SH3BGRL2: variants seen among roughly 807,000 people sequenced by gnomAD.
SH3BGRL2 encodes SH3 domain-binding glutamic acid-rich-like protein 2.
Under a neutral mutation model 14.8 loss-of-function variants are expected in SH3BGRL2, and 21 were observed. That is an observed-to-expected ratio of 1.42 (90% CI 1.01 to 2.05). The LOEUF (loss-of-function observed/expected upper bound fraction) is 2.05, where lower values mean the gene tolerates loss of function less well. SH3BGRL2 is among the 30% of genes most tolerant of loss of function. SH3BGRL2 has a pLI of 0.00. For synonymous variants in SH3BGRL2, 50 were observed against 47.8 expected (o/e 1.05, Z -0.19); for missense variants, 147 against 130.8 (o/e 1.12, Z -0.61).
At chr6:79,579,887 T>A in the SH3BGRL2 span, among the ~76,000 whole-genome samples, 16 of 152,288 alleles carry the variant, frequency 1.1e-4, no homozygotes, top group South Asian at 3.3e-3. Flanking sequence ...ATCAGTTTGC[T>A]GTATTCAGGA....
chr6:79,594,479 G>T, the SH3BGRL2 span, among the ~76,000 whole-genome samples: 1 of 152,114 alleles, frequency 6.6e-6, no homozygotes, highest in Admixed American at 6.5e-5. Flanking sequence ...GTAAATTTCT[G>T]CCTCCCCTAC....
At chr6:79,554,908 A>C in the SH3BGRL2 span, among the ~76,000 whole-genome samples, 9 of 150,126 alleles carry the variant, frequency 6.0e-5, no homozygotes, top group South Asian at 1.9e-3. Flanking sequence ...ACTTGGCAAT[A>C]TTATTATATG....
chr6:79,631,527 C>A, intron 1 of SH3BGRL2, 21 bp downstream of exon 1: 3 of 1,445,864 alleles, frequency 2.1e-6, no homozygotes, highest in Non-Finnish European at 1.8e-6. Context: ...TGGGGGCGGG[C>A]AGTAGGTTGG....
chr6:79,561,670 T>C, the SH3BGRL2 span: 2 of 152,342 alleles, frequency 1.3e-5, no homozygotes, highest in African/African-American at 4.8e-5. Flanking sequence ...TGACCGCCAC[T>C]GCCTCTCCAC....
the SH3BGRL2 span, among the ~76,000 whole-genome samples, chr6:79,578,902 GA>G: frequency 6.6e-6 from 1 of 152,056 alleles, no homozygotes; most frequent in African/African-American, 2.4e-5. Context: ...TAAAAACCTT[GA>G]AAAAAGATTA....
intron 2 of SH3BGRL2, among the ~76,000 whole-genome samples, chr6:79,695,621 C>T (rs1401475360): frequency 1.3e-5 from 2 of 152,198 alleles, no homozygotes; most frequent in Non-Finnish European, 2.9e-5. Flanking sequence ...AGCTGTCAAA[C>T]TTGAACAACA....
At chr6:79,540,696 A>T in the SH3BGRL2 span, among the ~76,000 whole-genome samples, 1 of 152,318 alleles carries the variant, frequency 6.6e-6, no homozygotes, top group East Asian at 1.9e-4. Context: ...TACTTACAAC[A>T]TAATGCTGGT....
intron 1 of SH3BGRL2, among the ~76,000 whole-genome samples, chr6:79,671,380 C>T (rs777272617): frequency 6.6e-6 from 1 of 152,032 alleles, no homozygotes; most frequent in African/African-American, 2.4e-5. Context: ...ACCCGGGAGG[C>T]GGAGGTTGAG....
At chr6:79,644,377 G>T (rs914431713) in intron 1 of SH3BGRL2, among the ~76,000 whole-genome samples, 2 of 152,152 alleles carry the variant, frequency 1.3e-5, no homozygotes, top group African/African-American at 4.8e-5. Context: ...GAAAGATTCA[G>T]TCAACACACA....
At chr6:79,575,785 AT>A in the SH3BGRL2 span, among the ~76,000 whole-genome samples, 16,194 of 152,090 alleles carry the variant, frequency 0.11, 968 homozygotes, top group Non-Finnish European at 0.13. Context: ...ATTTTTAAAA[AT>A]ATTTTATTTT....
intron 1 of SH3BGRL2, among the ~76,000 whole-genome samples, chr6:79,641,483 C>T (rs144084124): frequency 6.6e-6 from 1 of 152,138 alleles, no homozygotes; most frequent in Non-Finnish European, 1.5e-5. Flanking sequence ...CATTAGAGAA[C>T]AGTGTTATGG....
At chr6:79,592,176 A>G in the SH3BGRL2 span, among the ~76,000 whole-genome samples, 3 of 152,250 alleles carry the variant, frequency 2.0e-5, no homozygotes, top group Non-Finnish European at 4.4e-5. Flanking sequence ...ATATGAAGGC[A>G]TATCTGGATT....
chr6:79,541,908 C>T, the SH3BGRL2 span, among the ~76,000 whole-genome samples: 5 of 152,118 alleles, frequency 3.3e-5, no homozygotes, highest in Admixed American at 6.5e-5. Flanking sequence ...TTACAAGTTC[C>T]CCAGTCTGTA....
At chr6:79,566,230 G>A in the SH3BGRL2 span, among the ~76,000 whole-genome samples, 2 of 152,152 alleles carry the variant, frequency 1.3e-5, no homozygotes, top group Non-Finnish European at 2.9e-5. Flanking sequence ...TTCTAGGAGA[G>A]CATGGACTTC....
chr6:79,597,586 G>A, the SH3BGRL2 span, among the ~76,000 whole-genome samples: 1 of 152,072 alleles, frequency 6.6e-6, no homozygotes, highest in Non-Finnish European at 1.5e-5. Context: ...AATGAAGTTG[G>A]ACTCATACCT....
At position 79,699,724 on chromosome 6, in the gene SH3BGRL2, T is replaced by C; in HGVS notation, c.*215T>C. On this transcript the variant is annotated 3_prime_UTR_variant, in exon 4 of 4. Coordinates refer to ENST00000369838, the MANE Select transcript of SH3BGRL2 (RefSeq NM_031469.4). Reference sequence around the variant, plus strand: ...GTGGTGGATTTTTTTTTTCTTATTCTATTTGCCTGCAGTTGCCTCACTCAC... The same window carrying C: ...GTGGTGGATTTTTTTTTTCTTATTCCATTTGCCTGCAGTTGCCTCACTCAC... 3 of 565,172 alleles carry C rather than the reference T, an allele frequency of 5.3e-6. No homozygotes were observed. The South Asian group carries it at 1.7e-4, about 31-fold the overall frequency. 35.0% of individuals were successfully genotyped at this position (565,172 alleles called of 1,614,324 possible). A position where few individuals can be genotyped will look rare whatever the true frequency, so the allele number is the denominator to read the frequency against.
At chr6:79,593,817 G>A in the SH3BGRL2 span, among the ~76,000 whole-genome samples, 1 of 152,008 alleles carries the variant, frequency 6.6e-6, no homozygotes, top group Non-Finnish European at 1.5e-5. Context: ...AATCAATATA[G>A]ACAAAGCCAT....
the SH3BGRL2 span, among the ~76,000 whole-genome samples, chr6:79,598,043 A>C: frequency 6.6e-6 from 1 of 152,234 alleles, no homozygotes; most frequent in Non-Finnish European, 1.5e-5. Context: ...TGTAAATCAA[A>C]ACCAAATTGA....
chr6:79,610,849 A>G, the SH3BGRL2 span, among the ~76,000 whole-genome samples: 1 of 152,124 alleles, frequency 6.6e-6, no homozygotes, highest in Non-Finnish European at 1.5e-5. Flanking sequence ...ATATCATCTG[A>G]CAGATAAAAG....
Sources: gnomAD v4.1 joint callset for allele counts (sites outside exome capture counted in the v4.1 genomes callset) on GRCh38, gnomAD v4.1.1 for gene constraint, MANE v1.5 for transcripts, NCBI Gene and HGNC (gene_info 2026-07-23, HGNC 2026-07-21) for gene names.